TBCD: variants seen among roughly 807,000 people sequenced by gnomAD.
TBCD encodes the protein tubulin folding cofactor D.
Under a neutral mutation model 169.3 loss-of-function variants are expected in TBCD, and 105 were observed. That is an observed-to-expected ratio of 0.62 (90% CI 0.53 to 0.73). The LOEUF is 0.73. TBCD is among the 30% of genes least tolerant of loss of function. The pLI is 0.00. For missense variants in TBCD, 1,444 were observed against 1,600.1 expected (o/e 0.90, Z 1.66); for synonymous variants, 700 against 643.9 (o/e 1.09, Z -1.32).
chr17:82,903,430 G>A lies in TBCD; in HGVS notation c.1756G>A (p.Ala586Thr). 1.9e-6 allele frequency: 3 copies of A among 1,604,620 alleles called. No homozygotes were observed. Among genetic ancestry groups the A allele is most frequent in the Non-Finnish European group, 2.6e-6 (3 of 1,175,646 alleles). ...GGTCATCCGAGAGTTGGCTGCGAGG[G>A]CGCTGCACAACCTGGCCCAGCAGGC... ...DGVIRELAAR[A>T]LHNLAQQAPE... The change falls in exon 19 of 39, where the codon GCG (alanine) becomes ACG (threonine). Residue 586 changes from alanine to threonine, a missense_variant. Transcript: ENST00000355528. This position sits in a 1 kb window ranked among gnomAD's most constrained non-coding sequence, Gnocchi z 4.8.
At chr17:82,810,477 G>T (rs542086027) in intron 12 of TBCD, among the ~76,000 whole-genome samples, 2 of 152,326 alleles carry the variant, frequency 1.3e-5, no homozygotes, top group South Asian at 4.1e-4. Context: ...CACGTGTGCT[G>T]TGCCGCATTT....
In TBCD at chr17:82,900,700, C is replaced by T. The variant is rs145180850; in HGVS notation, c.1699C>T (p.Leu567=). 1.2e-4 allele frequency: 193 copies of T among 1,614,028 alleles called. 1 individual carries two copies. In the Middle Eastern group the frequency reaches 1.8e-3, roughly 15 times the overall value. Residue 567 remains leucine (L), a synonymous_variant, in exon 18 of 39, where the codon CTG becomes TTG. Coordinates refer to ENST00000355528, the MANE Select transcript of TBCD (RefSeq NM_005993.5). ...GTACACGCAGCCAATGATAGACCAC[C>T]TGGTTACCATGAAGATCAGCCACTG... ...PEYTQPMIDH[L]VTMKISHWDG...
intron 14 of TBCD, among the ~76,000 whole-genome samples, chr17:82,870,586 C>G (rs1030433462): frequency 2.6e-5 from 4 of 152,210 alleles, no homozygotes; most frequent in East Asian, 1.9e-4. Flanking sequence ...GAGGAACATT[C>G]TGGAGGTCTT....
At chr17:82,896,462 T>TTG (rs1555637646) in intron 17 of TBCD, among the ~76,000 whole-genome samples, 1 of 146,454 alleles carries the variant, frequency 6.8e-6, no homozygotes, top group East Asian at 2.0e-4. Flanking sequence ...AGTTTTTTTT[T>TTG]TTTTTTTTTT....
chr17:82,766,620 C>T (rs577818032), intron 4 of TBCD, among the ~76,000 whole-genome samples: 8 of 152,040 alleles, frequency 5.3e-5, no homozygotes, highest in South Asian at 2.1e-4. Flanking sequence ...ACAATAAATC[C>T]GTCATTGTTT....
chr17:82,790,372 T>C (rs541439401), intron 7 of TBCD, among the ~76,000 whole-genome samples: 10 of 152,298 alleles, frequency 6.6e-5, no homozygotes, highest in African/African-American at 1.9e-4. Context: ...CTCGGAAGCC[T>C]GTGGCCTGGG....
chr17:82,877,369 G>A (rs866090827), intron 14 of TBCD, among the ~76,000 whole-genome samples: 2 of 151,724 alleles, frequency 1.3e-5, no homozygotes, highest in South Asian at 2.1e-4. Context: ...TTCTTGAGAC[G>A]GAGTCTTCCT....
chr17:82,916,547 G>T (rs2061048814), intron 23 of TBCD, among the ~76,000 whole-genome samples: 1 of 151,740 alleles, frequency 6.6e-6, no homozygotes, highest in Admixed American at 6.6e-5. Flanking sequence ...GATTCTTAAA[G>T]GTTATTTTTG....
At chr17:82,845,990 ACG>A (rs2055001211) in intron 13 of TBCD, among the ~76,000 whole-genome samples, 1 of 152,250 alleles carries the variant, frequency 6.6e-6, no homozygotes, top group Admixed American at 6.5e-5. Context: ...TCTGATTTTG[ACG>A]CGGCTGTAGG....
chr17:82,783,350 T>A (rs918547153), intron 7 of TBCD, among the ~76,000 whole-genome samples: 1 of 152,224 alleles, frequency 6.6e-6, no homozygotes, highest in African/African-American at 2.4e-5. Context: ...TGTGACAGAT[T>A]CAGCAGTTTT....
chr17:82,804,497 T>A lies in TBCD; in HGVS notation c.951-1378T>A, dbSNP rs551831158. ...GGTTAGGGTCTCTCCTGAGGCTTCTTGAAGGCGCCGGCCTGGCCACTGCCG... is the reference window on the plus strand; with the variant it reads ...GGTTAGGGTCTCTCCTGAGGCTTCTAGAAGGCGCCGGCCTGGCCACTGCCG... On this transcript the variant is annotated intron_variant, in intron 9 of 38. Transcript: ENST00000355528. Among the ~76,000 whole-genome samples, 5 of 152,330 alleles carry A rather than the reference T, an allele frequency of 3.3e-5. No individual in the cohort carries two copies. The East Asian group carries it at 9.7e-4, about 29-fold the overall frequency.
At position 82,814,748 on chromosome 17, in the gene TBCD, G is replaced by C. The variant is rs527303000; in HGVS notation, c.1224-92G>C. Reference sequence around the variant, plus strand: ...CGTGAGCCTTACAGGCAGAGGATATGGACCTGCCAGGCTGTGCTCCTTGCC... The same window carrying C: ...CGTGAGCCTTACAGGCAGAGGATATCGACCTGCCAGGCTGTGCTCCTTGCC... On this transcript the variant is annotated intron_variant, in intron 12 of 38. Transcript: ENST00000355528. 1.0e-4 allele frequency: 122 copies of C among 1,225,214 alleles called. No individual in the cohort carries two copies. The South Asian group carries it at 1.5e-3, about 15-fold the overall frequency. 75.9% of individuals were successfully genotyped at this position (1,225,214 alleles called of 1,614,324 possible).
intron 28 of TBCD, 62 bp downstream of exon 28, chr17:82,926,553 A>G: frequency 7.1e-7 from 1 of 1,416,586 alleles, no homozygotes; most frequent in Non-Finnish European, 9.9e-7. Context: ...GATGAACGCT[A>G]AGGGGGATGT....
rs114663736 is a variant in TBCD at position 82,897,703 on chromosome 17, A to G, written c.1650-2948A>G. On this transcript the variant is annotated intron_variant, in intron 17 of 38. Coordinates refer to ENST00000355528, the MANE Select transcript of TBCD (RefSeq NM_005993.5). ...CATGACCCTCCCTCCAGGAGGCGCC[A>G]TCCTGACTGACCTCCTGTCGCTGGG... 9.3e-4 allele frequency among the ~76,000 whole-genome samples: 142 copies of G among 152,292 alleles called. 1 individual carries two copies. The highest frequency in any genetic ancestry group is 3.3e-3 in the African/African-American group (139 of 41,576).
At chr17:82,841,417 G>A (rs1019208734) in intron 13 of TBCD, among the ~76,000 whole-genome samples, 6 of 150,614 alleles carry the variant, frequency 4.0e-5, no homozygotes, top group South Asian at 2.1e-4. Flanking sequence ...TCCTGGACTC[G>A]AGTGATCCTC....
intron 14 of TBCD, among the ~76,000 whole-genome samples, chr17:82,882,863 C>T (rs1224112459): frequency 6.6e-6 from 1 of 152,166 alleles, no homozygotes; most frequent in Admixed American, 6.5e-5. Context: ...GCAGGGCCGG[C>T]GCCTCACACA....
Position 82,920,883 on chromosome 17 carries a change from C to T in TBCD, c.2101+265C>T, listed in dbSNP as rs950793032. The T allele has an allele frequency of 6.2e-6, 3 of 484,928 alleles. No individual in the cohort carries two copies. The highest frequency in any genetic ancestry group is 3.7e-5 in the Admixed American group (1 of 27,388). The allele number at this position is 484,928 out of a possible 1,614,324, so 30.0% of individuals were successfully genotyped here. A position where few individuals can be genotyped will look rare whatever the true frequency, so the allele number is the denominator to read the frequency against. On this transcript the variant is annotated intron_variant, in intron 24 of 38. Transcript: ENST00000355528. The surrounding 1 kb of genome is among the most constrained non-coding windows in gnomAD (Gnocchi z 4.1). ...TCGCTTCCATGCCCAGGGCCCGGCA[C>T]TCTGGGTCAGTTCTTCTCCCAGGCA...
At position 82,814,093 on chromosome 17, in the gene TBCD, C is replaced by T. The variant is rs890048235; in HGVS notation, c.1224-747C>T. On this transcript the variant is annotated intron_variant, in intron 12 of 38. Transcript: ENST00000355528. Reference sequence around the variant, plus strand: ...TACGTATAAAATATTATGACTTGATCGATGGCCATTGCAATTGTTCATTAA... The same window carrying T: ...TACGTATAAAATATTATGACTTGATTGATGGCCATTGCAATTGTTCATTAA... 7.9e-5 allele frequency among the ~76,000 whole-genome samples: 12 copies of T among 152,294 alleles called. No individual in the cohort carries two copies. In the East Asian group the frequency reaches 1.2e-3, roughly 15 times the overall value.
intron 9 of TBCD, 22 bp from the exon 10 acceptor site, chr17:82,805,853 G>A: frequency 6.3e-7 from 1 of 1,591,092 alleles, no homozygotes; most frequent in South Asian, 1.1e-5. Flanking sequence ...AAGCTGATCT[G>A]AGGATGCTTT....
Sources: gnomAD v4.1 joint callset for allele counts (sites outside exome capture counted in the v4.1 genomes callset) on GRCh38, gnomAD v4.1.1 for gene constraint, Gnocchi (gnomAD v3.1) non-coding constraint, MANE v1.5 for transcripts, NCBI Gene and HGNC (gene_info 2026-07-23, HGNC 2026-07-21) for gene names.